PHOX2B: variants seen among roughly 807,000 people sequenced by gnomAD.
The protein encoded by PHOX2B is paired mesoderm homeobox protein 2B.
Under a neutral mutation model 15.5 loss-of-function variants are expected in PHOX2B, and 1 was observed. The observed-to-expected ratio is 0.06, with a 90% CI of 0.02 to 0.31. PHOX2B has a LOEUF of 0.31. Ranked by LOEUF, PHOX2B falls within the 10% of genes least tolerant of loss-of-function variation. The pLI is 1.00. For synonymous variants in PHOX2B, 206 were observed against 190.5 expected, an observed-to-expected ratio of 1.08 and a Z score of -0.67; for missense variants, 314 against 436.4, an observed-to-expected ratio of 0.72 and a Z score of 2.50.
chr4:41,748,152 T>A (rs1733972847), intron 1 of PHOX2B: 1 of 597,050 alleles, frequency 1.7e-6, no homozygotes, highest in Non-Finnish European at 3.0e-6. Flanking sequence ...CAGCTTAAGA[T>A]AATTTTGTTG....
Position 41,745,702 on chromosome 4 carries a change from C to T in PHOX2B, c.*105G>A. On this transcript the variant is annotated 3_prime_UTR_variant, in exon 3 of 3. Transcript: ENST00000226382. This position sits in a 1 kb window ranked among gnomAD's most constrained non-coding sequence, Gnocchi z 4.0. ...TAGGCCCTCAATGAAAAAGCCATGG[C>T]AGCAGCGACGACAATAGCCTTGGGC... 1 of 1,407,164 alleles carries T rather than the reference C, an allele frequency of 7.1e-7. No homozygotes were observed. The highest frequency in any genetic ancestry group is 1.4e-5 in the South Asian group (1 of 74,028). The allele number at this position is 1,407,164 out of a possible 1,614,324, so 87.2% of individuals were successfully genotyped here.
Position 41,745,615 on chromosome 4 carries a change from G to C in PHOX2B, c.*192C>G. 1 of 634,252 alleles carries C rather than the reference G, an allele frequency of 1.6e-6. No homozygotes were observed. The highest frequency in any genetic ancestry group is 2.6e-6 in the Non-Finnish European group (1 of 391,088). 39.3% of individuals were successfully genotyped at this position (634,252 alleles called of 1,614,324 possible). On this transcript the variant is annotated 3_prime_UTR_variant, in exon 3 of 3. Transcript: ENST00000226382. This position sits in a 1 kb window ranked among gnomAD's most constrained non-coding sequence, Gnocchi z 4.0. ...GTTTTGTTTGGGGGTTGAGGAAGGGGGTAGGAGTGGGGTTGAAATGAGGGC... is the reference window on the plus strand; with the variant it reads ...GTTTTGTTTGGGGGTTGAGGAAGGGCGTAGGAGTGGGGTTGAAATGAGGGC...
chr4:41,747,543 T>A lies in PHOX2B; in HGVS notation c.242-7A>T. ...GTGAAGAGTTTGTAAGGAACTAGAG[T>A]ATGACAGAGGAGACAGAAAGTGAGC... On this transcript the variant is annotated splice_polypyrimidine_tract_variant and splice_region_variant and intron_variant, in intron 1 of 2. Transcript: ENST00000226382. The A allele has an allele frequency of 3.1e-6, 5 of 1,603,808 alleles. No individual in the cohort carries two copies. Among genetic ancestry groups the A allele is most frequent in the Non-Finnish European group, 4.2e-6 (5 of 1,179,020 alleles).
At chr4:41,747,610 G>T (rs1332076244) in intron 1 of PHOX2B, 74 bp from the exon 2 acceptor site, 1 of 1,257,868 alleles carries the variant, frequency 7.9e-7, no homozygotes, top group Admixed American at 1.7e-5. Flanking sequence ...TAGAATGTGA[G>T]GACTCCAAGG....
chr4:41,747,545 T>A lies in PHOX2B; in HGVS notation c.242-9A>T. The stretch of plus-strand genomic sequence containing the variant: ...GAAGAGTTTGTAAGGAACTAGAGTA[T>A]GACAGAGGAGACAGAAAGTGAGCAA... On this transcript the variant is annotated splice_polypyrimidine_tract_variant and intron_variant, in intron 1 of 2. Transcript: ENST00000226382. 2.5e-6 allele frequency: 4 copies of A among 1,603,878 alleles called. No individual in the cohort carries two copies. Among genetic ancestry groups the A allele is most frequent in the Non-Finnish European group, 3.4e-6 (4 of 1,179,034 alleles).
Position 41,744,368 on chromosome 4 carries a change from T to C in PHOX2B, c.*1439A>G, listed in dbSNP as rs1299446558. On this transcript the variant is annotated 3_prime_UTR_variant, in exon 3 of 3. Coordinates refer to ENST00000226382, the MANE Select transcript of PHOX2B (RefSeq NM_003924.4). ...AAAGATTGAACCCGTGAGAACCTTA[T>C]TACACCATAAAGACACGCCATAGAG... 1 of 230,048 alleles carries C rather than the reference T, an allele frequency of 4.3e-6. No homozygotes were observed. Among genetic ancestry groups the C allele is most frequent in the African/African-American group, 2.2e-5 (1 of 45,066 alleles). 14.3% of individuals were successfully genotyped at this position (230,048 alleles called of 1,614,324 possible).
Position 41,745,339 on chromosome 4 carries a change from T to C in PHOX2B, c.*468A>G, listed in dbSNP as rs994918200. The C allele has an allele frequency of 3.0e-5, 7 of 234,396 alleles. No homozygotes were observed. In the South Asian group the frequency reaches 1.3e-3, roughly 42 times the overall value. The allele number at this position is 234,396 out of a possible 1,614,324, so 14.5% of individuals were successfully genotyped here. ...TGGTTTCTGCCTTCCAACTTTTTTG[T>C]TTTTATTTTTACTTTTTTGTCTTTT... On this transcript the variant is annotated 3_prime_UTR_variant, in exon 3 of 3. Coordinates refer to ENST00000226382, the MANE Select transcript of PHOX2B (RefSeq NM_003924.4). This position sits in a 1 kb window ranked among gnomAD's most constrained non-coding sequence, Gnocchi z 4.0.
At position 41,747,284 on chromosome 4, in the gene PHOX2B, G is replaced by A. The variant is rs572123616; in HGVS notation, c.429+65C>T. On this transcript the variant is annotated intron_variant, in intron 2 of 2. Transcript: ENST00000226382. ...TCCAGGACTTCGAATTTCACCAGCC[G>A]CCCCTCACCCCACACCTCCCCGGAC... is the stretch of plus-strand genomic sequence containing the variant. 29 of 1,356,420 alleles carry A rather than the reference G, an allele frequency of 2.1e-5. No homozygotes were observed. The African/African-American group carries it at 3.4e-4, about 16-fold the overall frequency. The allele number at this position is 1,356,420 out of a possible 1,614,324, so 84.0% of individuals were successfully genotyped here. A position where few individuals can be genotyped will look rare whatever the true frequency, so the allele number is the denominator to read the frequency against.
rs913350793 is a variant in PHOX2B at position 41,745,296 on chromosome 4, T to C, written c.*511A>G. Reference sequence around the variant, plus strand: ...TGTTTTTTAAACCTTTCTGGGTTGTTGGCTTTTTGTTTTTTAATGGTTTCT... The same window carrying C: ...TGTTTTTTAAACCTTTCTGGGTTGTCGGCTTTTTGTTTTTTAATGGTTTCT... On this transcript the variant is annotated 3_prime_UTR_variant, in exon 3 of 3. Transcript: ENST00000226382. This position sits in a 1 kb window ranked among gnomAD's most constrained non-coding sequence, Gnocchi z 4.0. 4.3e-6 allele frequency: 1 copy of C among 233,956 alleles called. No individual in the cohort carries two copies. Among genetic ancestry groups the C allele is most frequent in the Non-Finnish European group, 8.4e-6 (1 of 118,482 alleles). The allele number at this position is 233,956 out of a possible 1,614,324, so 14.5% of individuals were successfully genotyped here.
chr4:41,746,885 T>G (rs1296533690), intron 2 of PHOX2B, among the ~76,000 whole-genome samples: 2 of 152,168 alleles, frequency 1.3e-5, no homozygotes, highest in Non-Finnish European at 2.9e-5. Context: ...TTCTTGACCT[T>G]CATGAAGTCA....
chr4:41,747,126 C>T (rs532066364), intron 2 of PHOX2B, among the ~76,000 whole-genome samples: 3 of 152,302 alleles, frequency 2.0e-5, no homozygotes, highest in South Asian at 2.1e-4. Context: ...TGTCTCTGCT[C>T]GGGTGGGAAA....
intron 1 of PHOX2B, among the ~76,000 whole-genome samples, chr4:41,747,900 C>A (rs1247284032): frequency 2.0e-5 from 3 of 152,212 alleles, no homozygotes; most frequent in Middle Eastern, 3.4e-3. Context: ...AACAGTCCCA[C>A]TTTGGGAACT....
Position 41,747,662 on chromosome 4 carries a change from G to C in PHOX2B, c.242-126C>G, listed in dbSNP as rs759061977. On this transcript the variant is annotated intron_variant, in intron 1 of 2. Coordinates refer to ENST00000226382, the MANE Select transcript of PHOX2B (RefSeq NM_003924.4). ...CCGCTACCTACACCCGCGCGAGAGA[G>C]TTGCCGAGAGAAGCTGCGGGAAGAA... 1.3e-5 allele frequency: 10 copies of C among 791,160 alleles called. No homozygotes were observed. The Admixed American group carries it at 1.5e-4, about 12-fold the overall frequency. The allele number at this position is 791,160 out of a possible 1,614,324, so 49.0% of individuals were successfully genotyped here.
chr4:41,745,970 C>CCAGCTGCCG lies in PHOX2B; in HGVS notation c.773_781dup (p.Ala258_Ala260dup). Reference sequence around the variant, plus strand: ...AGGGCCCCCAGCCGCAGCCAGGCCTCCAGCTGCCGCCGCTGCCGCTGCCGC... The same window carrying CCAGCTGCCG: ...AGGGCCCCCAGCCGCAGCCAGGCCTCCAGCTGCCGCAGCTGCCGCCGCTGCCGCTGCCGC... On this transcript the variant is annotated inframe_insertion, in exon 3 of 3. Coordinates refer to ENST00000226382, the MANE Select transcript of PHOX2B (RefSeq NM_003924.4). This position sits in a 1 kb window ranked among gnomAD's most constrained non-coding sequence, Gnocchi z 4.0. 7.5e-7 allele frequency: 1 copy of CCAGCTGCCG among 1,330,752 alleles called. No individual in the cohort carries two copies. The highest frequency in any genetic ancestry group is 9.6e-7 in the Non-Finnish European group (1 of 1,040,146). The allele number at this position is 1,330,752 out of a possible 1,614,324, so 82.4% of individuals were successfully genotyped here. A position where few individuals can be genotyped will look rare whatever the true frequency, so the allele number is the denominator to read the frequency against.
chr4:41,748,563 G>A lies in PHOX2B; in HGVS notation c.48C>T (p.Ser16=), dbSNP rs1383504578. Residue 16 remains serine, a synonymous_variant, in exon 1 of 3, where the codon TCC becomes TCT. Transcript: ENST00000226382. ...TCGAGGTGTCCATCCCAGCCATACA[G>A]GACTCGTAGGCAGAGGAATTGAGGT... ...YSYLNSSAYE[S]CMAGMDTSSL... 1.1e-5 allele frequency: 17 copies of A among 1,613,534 alleles called. No individual in the cohort carries two copies. Among genetic ancestry groups the A allele is most frequent in the Non-Finnish European group, 1.4e-5 (16 of 1,179,518 alleles).
Position 41,745,381 on chromosome 4 carries a change from C to A in PHOX2B, c.*426G>T. 1 of 238,018 alleles carries A rather than the reference C, an allele frequency of 4.2e-6. No homozygotes were observed. The highest frequency in any genetic ancestry group is 6.0e-5 in the East Asian group (1 of 16,696). 14.7% of individuals were successfully genotyped at this position (238,018 alleles called of 1,614,324 possible). Reference sequence around the variant, plus strand: ...TTGTCTTTTTTTTCTAAACAAGTCACTAAGTTGGTTGAGGCCCCCCATCTC... The same window carrying A: ...TTGTCTTTTTTTTCTAAACAAGTCAATAAGTTGGTTGAGGCCCCCCATCTC... On this transcript the variant is annotated 3_prime_UTR_variant, in exon 3 of 3. Transcript: ENST00000226382. This position sits in a 1 kb window ranked among gnomAD's most constrained non-coding sequence, Gnocchi z 4.0.
At position 41,748,472 on chromosome 4, in the gene PHOX2B, T is replaced by A; in HGVS notation, c.139A>T (p.Ile47Leu). 1 of 1,614,148 alleles carries A rather than the reference T, an allele frequency of 6.2e-7. No homozygotes were observed. The highest frequency in any genetic ancestry group is 8.5e-7 in the Non-Finnish European group (1 of 1,180,020). Residue 47 changes from isoleucine to leucine, a missense_variant, in exon 1 of 3, where the codon ATA (isoleucine) becomes TTA (leucine). By Grantham distance (5) the Ile-to-Leu change is conservative. Around this residue, in one of 7 missense-constraint regions of PHOX2B, gnomAD observed 102 missense variants for 155.1 expected, o/e 0.66. Transcript: ENST00000226382. The part of the protein sequence containing the change: ...SQASGFQYNP[I>L]RTTFGATSGC... ...GACGTGGCCCCAAAAGTGGTCCTTA[T>A]CGGGTTATACTGGAAGCCACTGGCC...
In PHOX2B at chr4:41,745,847, T is replaced by G. The variant is rs779068107; in HGVS notation, c.905A>C (p.Asn302Thr). Residue 302 changes from asparagine to threonine, a missense_variant, in exon 3 of 3, where the codon AAC becomes ACC. By Grantham distance (65) the Asn-to-Thr change is moderately conservative. Around this residue, in one of 7 missense-constraint regions of PHOX2B, gnomAD observed 157 missense variants for 169.0 expected, o/e 0.93. Coordinates refer to ENST00000226382, the MANE Select transcript of PHOX2B (RefSeq NM_003924.4). This position sits in a 1 kb window ranked among gnomAD's most constrained non-coding sequence, Gnocchi z 4.0. ...CTTCACTAAGGCGGCTTTGGCACCGTTGGGTCTTTGGAGCGAAGATAGGAC... is the reference window on the plus strand; with the variant it reads ...CTTCACTAAGGCGGCTTTGGCACCGGTGGGTCTTTGGAGCGAAGATAGGAC... ...ASVLSSLQRPNGAKAALVKSS... is the reference protein window; with the variant it reads ...ASVLSSLQRPTGAKAALVKSS... The G allele has an allele frequency of 4.3e-6, 7 of 1,609,398 alleles. No individual in the cohort carries two copies. The East Asian group carries it at 1.6e-4, about 36-fold the overall frequency.
Position 41,744,795 on chromosome 4 carries a change from A to G in PHOX2B, c.*1012T>C, listed in dbSNP as rs1407586732. 4.3e-6 allele frequency: 1 copy of G among 233,598 alleles called. No individual in the cohort carries two copies. The highest frequency in any genetic ancestry group is 6.0e-5 in the East Asian group (1 of 16,606). 14.5% of individuals were successfully genotyped at this position (233,598 alleles called of 1,614,324 possible). On this transcript the variant is annotated 3_prime_UTR_variant, in exon 3 of 3. Transcript: ENST00000226382. The stretch of plus-strand genomic sequence containing the variant: ...CCAAAGCAGTGCCAAAAAGTTCAGT[A>G]AAAGCTGGTGGAAGAAGAAAATGCC...
Sources: gnomAD v4.1 joint callset for allele counts (sites outside exome capture counted in the v4.1 genomes callset) on GRCh38, gnomAD v4.1.1 for gene constraint, gnomAD v4.1.1 regional missense constraint, Gnocchi (gnomAD v3.1) non-coding constraint, MANE v1.5 for transcripts, NCBI Gene and HGNC (gene_info 2026-07-23, HGNC 2026-07-21) for gene names.